PGAP1: variants seen among roughly 807,000 people sequenced by gnomAD.
The protein encoded by PGAP1 is GPI inositol-deacylase.
PGAP1 carries 76 observed loss-of-function variants against 127.0 expected under a neutral mutation model. The ratio of observed to expected loss-of-function variants is 0.60; its 90% CI spans 0.50 to 0.72. The LOEUF is 0.72. Ranked by LOEUF, PGAP1 falls within the 30% of genes least tolerant of loss-of-function variation. The pLI, the probability that PGAP1 is intolerant of heterozygous loss-of-function variation, is 0.00. For missense variants in PGAP1, 982 were observed against 1,071.3 expected, an observed-to-expected ratio of 0.92 and a Z score of 1.16; for synonymous variants, 362 against 366.5, an observed-to-expected ratio of 0.99 and a Z score of 0.14.
Position 196,844,585 on chromosome 2 carries a change from T to C in PGAP1, c.2287-11A>G, listed in dbSNP as rs369759909. The C allele has an allele frequency of 1.3e-4, 197 of 1,573,306 alleles. No individual in the cohort carries two copies. Among genetic ancestry groups the C allele is most frequent in the South Asian group, 2.0e-4 (17 of 83,832 alleles). ...TTGCAGATGAACAACCTAAGAAAAATAAATTGCTCTTTAATTTTACTTTTA... is the reference window on the plus strand; with the variant it reads ...TTGCAGATGAACAACCTAAGAAAAACAAATTGCTCTTTAATTTTACTTTTA... On this transcript the variant is annotated splice_polypyrimidine_tract_variant and intron_variant, in intron 23 of 26. Coordinates refer to ENST00000354764, the MANE Select transcript of PGAP1 (RefSeq NM_024989.4).
chr2:196,872,404 A>T (rs887764391), intron 18 of PGAP1, 37 bp downstream of exon 18: 4 of 1,411,222 alleles, frequency 2.8e-6, no homozygotes, highest in Non-Finnish European at 4.0e-6. Context: ...CTTATTCTAC[A>T]ACTAAATCTT....
chr2:196,842,791 G>T lies in PGAP1; in HGVS notation c.2560C>A (p.Pro854Thr). ...YFKLNPDPCK[P>T]LAFILIPTMA... The stretch of plus-strand genomic sequence containing the variant: ...GTCGGAATAAGGATAAATGCCAAAG[G>T]TTTACATGGATCAGGATTAAGTTTA... Residue 854 changes from proline (P) to threonine (T), a missense_variant, in exon 26 of 27, where the codon CCT becomes ACT. Transcript: ENST00000354764. 7 of 1,578,668 alleles carry T rather than the reference G, an allele frequency of 4.4e-6. No homozygotes were observed. The highest frequency in any genetic ancestry group is 5.2e-6 in the Non-Finnish European group (6 of 1,157,664).
intron 12 of PGAP1, among the ~76,000 whole-genome samples, chr2:196,883,439 T>G (rs1416276289): frequency 1.3e-5 from 2 of 152,210 alleles, no homozygotes; most frequent in Non-Finnish European, 2.9e-5. Context: ...GACTCATATG[T>G]TCTAATGTAA....
Position 196,916,493 on chromosome 2 carries a change from A to G in PGAP1, c.402T>C (p.Ala134=). The change falls in exon 3 of 27, where the codon GCT becomes GCC. Residue 134 remains alanine, a synonymous_variant. Transcript: ENST00000354764. The stretch of plus-strand genomic sequence containing the variant: ...GCTTCTGAAGACTTCCACCATACAA[A>G]GCCACCAGTTCTTCATTGAAGTTCA... ...FSVNFNEELV[A]LYGGSLQKQT... is the part of the protein sequence containing the mutation. The G allele has an allele frequency of 6.2e-7, 1 of 1,613,678 alleles. No individual in the cohort carries two copies. The highest frequency in any genetic ancestry group is 1.3e-5 in the African/African-American group (1 of 75,020).
At chr2:196,887,932 C>A (rs1001875244) in intron 10 of PGAP1, among the ~76,000 whole-genome samples, 1 of 152,144 alleles carries the variant, frequency 6.6e-6, no homozygotes, top group South Asian at 2.1e-4. Context: ...AAGATCCAAC[C>A]CATTTTTGTA....
rs200262866 is a variant in PGAP1 at position 196,897,108 on chromosome 2, A to T, written c.927+23T>A. On this transcript the variant is annotated intron_variant, in intron 7 of 26. Coordinates refer to ENST00000354764, the MANE Select transcript of PGAP1 (RefSeq NM_024989.4). ...TAAAGTAAAAGCTTTCATTTAAATA[A>T]TTTTTAGTTTAAAAATACATACTTG... 18 of 1,358,528 alleles carry T rather than the reference A, an allele frequency of 1.3e-5. No homozygotes were observed. The East Asian group carries it at 4.1e-4, about 31-fold the overall frequency. The allele number at this position is 1,358,528 out of a possible 1,614,324, so 84.2% of individuals were successfully genotyped here.
At chr2:196,842,166 G>C (rs1700432839) in intron 26 of PGAP1, among the ~76,000 whole-genome samples, 2 of 152,022 alleles carry the variant, frequency 1.3e-5, no homozygotes, top group Non-Finnish European at 2.9e-5. Flanking sequence ...GAGAAACTGA[G>C]AATAAGAGGG....
At chr2:196,891,459 C>T (rs914035549) in intron 9 of PGAP1, among the ~76,000 whole-genome samples, 9 of 152,092 alleles carry the variant, frequency 5.9e-5, no homozygotes, top group Non-Finnish European at 4.4e-5. Flanking sequence ...ATGGTTTGCA[C>T]TGACCAAATA....
chr2:196,922,650 TGG>T, intron 1 of PGAP1: 1 of 445,908 alleles, frequency 2.2e-6, no homozygotes, highest in Non-Finnish European at 3.0e-6. Context: ...CTTTAAAATC[TGG>T]CTCTAATTAT....
chr2:196,873,659 T>G (rs1237837674), intron 15 of PGAP1, 26 bp downstream of exon 15: 18 of 1,600,648 alleles, frequency 1.1e-5, no homozygotes, highest in Non-Finnish European at 1.4e-5. Context: ...AATCAAATCC[T>G]TTTTCTTGTA....
chr2:196,846,918 T>C, intron 22 of PGAP1, 85 bp downstream of exon 22: 1 of 1,150,858 alleles, frequency 8.7e-7, no homozygotes, highest in Non-Finnish European at 1.2e-6. Context: ...AATAGTTTAG[T>C]AAAAATAATT....
At position 196,843,976 on chromosome 2, in the gene PGAP1, G is replaced by A. The variant is rs1468111566; in HGVS notation, c.2437C>T (p.Leu813Phe). The A allele has an allele frequency of 6.2e-7, 1 of 1,608,552 alleles. No individual in the cohort carries two copies. Among genetic ancestry groups the A allele is most frequent in the Non-Finnish European group, 8.5e-7 (1 of 1,176,202 alleles). The part of the protein sequence containing the change: ...RLSANDAEDS[L>F]RMHSTVINLL... ...TTAATCACAGTACTGTGCATGCGAAGGCTATCTTCAGCATCGTTGGCAGAT... is the reference window on the plus strand; with the variant it reads ...TTAATCACAGTACTGTGCATGCGAAAGCTATCTTCAGCATCGTTGGCAGAT... The change falls in exon 25 of 27, where the codon CTT becomes TTT. Residue 813 changes from leucine to phenylalanine, a missense_variant. Leu to Phe is a conservative substitution (Grantham distance 22). Transcript: ENST00000354764.
In PGAP1 at chr2:196,880,929, T is replaced by C. The variant is rs1363688200; in HGVS notation, c.1273-776A>G. 3.9e-5 allele frequency among the ~76,000 whole-genome samples: 6 copies of C among 152,162 alleles called. 1 individual carries two copies. The South Asian group carries it at 8.3e-4, about 21-fold the overall frequency. On this transcript the variant is annotated intron_variant, in intron 12 of 26. Transcript: ENST00000354764. Reference sequence around the variant, plus strand: ...CAAATTTGTTACACAGGTAAACTTGTGTCATGGGGGTTTGTTGTACAGATT... The same window carrying C: ...CAAATTTGTTACACAGGTAAACTTGCGTCATGGGGGTTTGTTGTACAGATT...
chr2:196,919,366 G>C (rs759695706), intron 2 of PGAP1, among the ~76,000 whole-genome samples: 5 of 152,168 alleles, frequency 3.3e-5, no homozygotes, highest in Non-Finnish European at 7.3e-5. Context: ...TGCACATGTT[G>C]AAACAATTCT....
At chr2:196,903,200 CTG>C (rs1310288279) in intron 4 of PGAP1, among the ~76,000 whole-genome samples, 1 of 151,332 alleles carries the variant, frequency 6.6e-6, no homozygotes, top group African/African-American at 2.4e-5. Context: ...ACATTACAAA[CTG>C]TTATATATGT....
chr2:196,868,853 A>G (rs1701323079), intron 19 of PGAP1, among the ~76,000 whole-genome samples: 1 of 152,174 alleles, frequency 6.6e-6, no homozygotes, highest in South Asian at 2.1e-4. Flanking sequence ...ATTTTTTAAA[A>G]CAAGTAAGAT....
At chr2:196,859,190 G>A (rs1700983492) in intron 20 of PGAP1, among the ~76,000 whole-genome samples, 1 of 152,074 alleles carries the variant, frequency 6.6e-6, no homozygotes, top group South Asian at 2.1e-4. Context: ...AGCCAGGTGT[G>A]GTGGCACACA....
At chr2:196,861,742 T>C (rs1701073884) in intron 20 of PGAP1, among the ~76,000 whole-genome samples, 3 of 152,104 alleles carry the variant, frequency 2.0e-5, no homozygotes, top group Non-Finnish European at 4.4e-5. Context: ...TTGTGAAGAT[T>C]TCATGGACAT....
intron 19 of PGAP1, among the ~76,000 whole-genome samples, chr2:196,869,446 T>C (rs1382038630): frequency 3.3e-5 from 5 of 152,136 alleles, no homozygotes; most frequent in Non-Finnish European, 7.4e-5. Context: ...GCCATTCTCC[T>C]GCCTCAGCCT....
Sources: allele counts gnomAD v4.1 joint callset (sites outside exome capture counted in the v4.1 genomes callset), GRCh38; gene constraint gnomAD v4.1.1; transcripts MANE v1.5; gene names NCBI Gene and HGNC (gene_info 2026-07-23, HGNC 2026-07-21).